The following DOP1B variants were observed in gnomAD, a reference collection of about 807,000 sequenced individuals.
DOP1B encodes the protein protein DOP1B.
DOP1B carries 174 observed loss-of-function variants against 233.5 expected under a neutral mutation model. That is an observed-to-expected ratio of 0.75 (90% CI 0.66 to 0.85). The LOEUF (loss-of-function observed/expected upper bound fraction) is 0.85, where lower values mean the gene tolerates loss of function less well. DOP1B is among the 40% of genes least tolerant of loss of function. DOP1B has a pLI of 0.00. For synonymous variants in DOP1B, 1,190 were observed against 1,185.6 expected (o/e 1.00, Z -0.08); for missense variants, 2,652 against 2,846.6 (o/e 0.93, Z 1.56).
rs112982187 is a variant in DOP1B, at chr21:36,198,931, C to G, written c.139-139C>G. 1.9e-3 allele frequency: 1,692 copies of G among 870,310 alleles called. 24 individuals carry two copies. In the African/African-American group the frequency reaches 0.024, roughly 12 times the overall value. The allele number at this position is 870,310 out of a possible 1,614,324, so 53.9% of individuals were successfully genotyped here. A position where few individuals can be genotyped will look rare whatever the true frequency, so the allele number is the denominator to read the frequency against. On this transcript the variant is annotated intron_variant, in intron 2 of 36. Transcript: ENST00000691173. The stretch of plus-strand genomic sequence containing the variant: ...TGTGGACTCTCGCCATGCAGTCCCT[C>G]TGCCCCTTTGTTGTGTATGTCTCTT...
intron 2 of DOP1B, among the ~76,000 whole-genome samples, chr21:36,182,029 C>T (rs1214875887): frequency 2.0e-5 from 3 of 152,226 alleles, no homozygotes; most frequent in African/African-American, 7.2e-5. Flanking sequence ...CCAAGCATCA[C>T]AGTTCTGCCT....
chr21:36,208,667 T>C, intron 4 of DOP1B, 48 bp from the exon 5 acceptor site: 2 of 1,582,654 alleles, frequency 1.3e-6, no homozygotes, highest in Non-Finnish European at 1.7e-6. Context: ...GCAGTGGGAC[T>C]CGGGAAGATG....
chr21:36,192,029 C>T (rs561175255), intron 2 of DOP1B, among the ~76,000 whole-genome samples: 1 of 152,098 alleles, frequency 6.6e-6, no homozygotes, highest in Admixed American at 6.5e-5. Flanking sequence ...GGAGTCCTAC[C>T]GAATTGCCCA....
chr21:36,160,940 G>T (rs1227757532), intron 1 of DOP1B, among the ~76,000 whole-genome samples: 1 of 152,208 alleles, frequency 6.6e-6, no homozygotes, highest in Non-Finnish European at 1.5e-5. Context: ...CCCACACTGC[G>T]GTGTGGCGAT....
At position 36,239,790 on chromosome 21, in the gene DOP1B, C is replaced by T; in HGVS notation, c.2902C>T (p.Leu968=). 6.4e-7 allele frequency: 1 copy of T among 1,551,932 alleles called. No individual in the cohort carries two copies. The highest frequency in any genetic ancestry group is 8.7e-7 in the Non-Finnish European group (1 of 1,148,186). The change falls in exon 18 of 37, where the codon CTG becomes TTG. Residue 968 remains leucine, a synonymous_variant. Transcript: ENST00000691173. ...GTCCTTGTTTGTCGTGCTGGACAGC[C>T]TGGCCTGCACGGATGGTGCCATCGG... The part of the protein sequence containing the change: ...DRSLFVVLDS[L]ACTDGAIGAA...
chr21:36,230,861 A>G lies in DOP1B; in HGVS notation c.2077A>G (p.Lys693Glu), dbSNP rs907903364. 5 of 1,614,102 alleles carry G rather than the reference A, an allele frequency of 3.1e-6. No homozygotes were observed. The highest frequency in any genetic ancestry group is 3.3e-5 in the Admixed American group (2 of 60,010). ...CAAGCCCATCACTGTGCCTCAGTTC[A>G]AGCAGATGCTGTCAGACTTGTTCAC... ...EPKPITVPQF[K>E]QMLSDLFTAR... The change falls in exon 14 of 37, where the codon AAG becomes GAG. Residue 693 changes from lysine (K) to glutamate (E), a missense_variant. This residue lies in a region of DOP1B where 2,617 missense variants were observed against 2,794.3 expected (regional missense o/e 0.94). Transcript: ENST00000691173.
rs10599369 is a variant in DOP1B, at chr21:36,191,255, G to GA, written c.139-7802dup. On this transcript the variant is annotated intron_variant, in intron 2 of 36. Transcript: ENST00000691173. ...CACTAGAACTTTAAAAAACAAGTCA[G>GA]AAAAAAAAAAAAACAAAAAACAGAA... Among the ~76,000 whole-genome samples, 243 of 141,376 alleles carry GA rather than the reference G, an allele frequency of 1.7e-3. 2 individuals carry two copies. Among genetic ancestry groups the GA allele is most frequent in the South Asian group, 8.0e-3 (35 of 4,382 alleles). The allele number at this position is 141,376 out of a possible 152,430, so 92.7% of individuals were successfully genotyped here.
intron 15 of DOP1B, 138 bp from the exon 16 acceptor site, chr21:36,237,124 T>C: frequency 2.5e-6 from 3 of 1,212,228 alleles, no homozygotes; most frequent in Non-Finnish European, 3.5e-6. Context: ...GTGATTTGTC[T>C]CTGAGCATGG....
chr21:36,167,419 C>T (rs1390005866), intron 2 of DOP1B, among the ~76,000 whole-genome samples: 1 of 152,190 alleles, frequency 6.6e-6, no homozygotes, highest in Non-Finnish European at 1.5e-5. Flanking sequence ...AAGTGATCCG[C>T]CCACCTCAGC....
chr21:36,230,954 A>G lies in DOP1B; in HGVS notation c.2170A>G (p.Arg724Gly), dbSNP rs1342889046. 1 of 1,614,172 alleles carries G rather than the reference A, an allele frequency of 6.2e-7. No homozygotes were observed. Residue 724 changes from arginine to glycine, a missense_variant, in exon 14 of 37, where the codon AGG becomes GGG. Physicochemically the swap from Arg to Gly is moderately radical, Grantham distance 125. Transcript: ENST00000691173. ...SPSSSPSSPARKNGGEWDVEK... is the reference protein window; with the variant it reads ...SPSSSPSSPAGKNGGEWDVEK... Reference sequence around the variant, plus strand: ...ATCGTCTTCGCCCAGCAGCCCTGCCAGGAAAAACGGGGGAGAATGGGATGT... The same window carrying G: ...ATCGTCTTCGCCCAGCAGCCCTGCCGGGAAAAACGGGGGAGAATGGGATGT...
chr21:36,283,491 G>A (rs888262409), intron 32 of DOP1B, among the ~76,000 whole-genome samples: 4 of 152,146 alleles, frequency 2.6e-5, no homozygotes, highest in African/African-American at 7.2e-5. Context: ...CATAATTTCC[G>A]CATGTAGTGC....
intron 15 of DOP1B, among the ~76,000 whole-genome samples, chr21:36,235,559 A>G (rs541084235): frequency 3.5e-5 from 5 of 142,020 alleles, no homozygotes; most frequent in Admixed American, 2.8e-4. Flanking sequence ...TCCCATGTCT[A>G]AAAAAAAAAA....
chr21:36,193,729 A>G (rs911736709), intron 2 of DOP1B, among the ~76,000 whole-genome samples: 5 of 152,132 alleles, frequency 3.3e-5, no homozygotes, highest in Non-Finnish European at 1.5e-5. Flanking sequence ...AAAGTCTCGT[A>G]AGGTGGAATT....
chr21:36,177,881 T>C (rs980977999), intron 2 of DOP1B, among the ~76,000 whole-genome samples: 25 of 152,228 alleles, frequency 1.6e-4, no homozygotes, highest in African/African-American at 6.0e-4. Flanking sequence ...TCAGGTATTC[T>C]GTTATAAGCA....
At chr21:36,261,917 GA>G (rs375272266) in intron 24 of DOP1B, 14 of 969,068 alleles carry the variant, frequency 1.4e-5, no homozygotes, top group African/African-American at 1.8e-5. Context: ...TCTCAAAAAG[GA>G]AAAAAAATGG....
chr21:36,176,097 C>CATGTGT (rs1555886144), intron 2 of DOP1B, among the ~76,000 whole-genome samples: 16 of 141,848 alleles, frequency 1.1e-4, no homozygotes, highest in East Asian at 2.1e-4. Context: ...GGTGTGTGTG[C>CATGTGT]GTGTGTGTGT....
intron 23 of DOP1B, among the ~76,000 whole-genome samples, chr21:36,259,981 A>G (rs2067149683): frequency 6.6e-6 from 1 of 151,986 alleles, no homozygotes; most frequent in Non-Finnish European, 1.5e-5. Context: ...AAGCTGTCTG[A>G]GCTGGGCTTG....
intron 9 of DOP1B, 106 bp from the exon 10 acceptor site, chr21:36,219,266 G>A (rs1199906107): frequency 1.4e-6 from 2 of 1,394,382 alleles, no homozygotes; most frequent in African/African-American, 1.4e-5. Context: ...TAAAATGTCT[G>A]TCTGCACAGG....
chr21:36,248,435 A>C lies in DOP1B; in HGVS notation c.4865A>C (p.Glu1622Ala). 6.2e-7 allele frequency: 1 copy of C among 1,614,030 alleles called. No individual in the cohort carries two copies. The highest frequency in any genetic ancestry group is 8.5e-7 in the Non-Finnish European group (1 of 1,179,916). ...NLRNARNAIL[E>A]ELPRTVNTMA... is the part of the protein sequence containing the mutation. ...AGGAATGCCAGAAATGCCATTTTGG[A>C]AGAGCTGCCTCGAACTGTTAACACC... is the stretch of plus-strand genomic sequence containing the variant. The change falls in exon 21 of 37, where the codon GAA becomes GCA. Residue 1622 changes from glutamate (E) to alanine (A), a missense_variant. Around this residue, in one of 3 missense-constraint regions of DOP1B, gnomAD observed 2,617 missense variants for 2,794.3 expected, o/e 0.94. Coordinates refer to ENST00000691173, the MANE Select transcript of DOP1B (RefSeq NM_001320714.2).
Sources: allele counts gnomAD v4.1 joint callset (sites outside exome capture counted in the v4.1 genomes callset), GRCh38; gene constraint gnomAD v4.1.1; regional missense constraint gnomAD v4.1.1; transcripts MANE v1.5; gene names NCBI Gene and HGNC (gene_info 2026-07-23, HGNC 2026-07-21).